RALGPS1: variants seen among roughly 807,000 people sequenced by gnomAD.
RALGPS1 encodes the protein ras-specific guanine nucleotide-releasing factor RalGPS1.
RALGPS1 carries 19 observed loss-of-function variants against 78.8 expected under a neutral mutation model. The ratio of observed to expected loss-of-function variants is 0.24; its 90% confidence interval spans 0.17 to 0.35. The LOEUF (loss-of-function observed/expected upper bound fraction) is 0.35, where lower values mean the gene tolerates loss of function less well. RALGPS1 is among the 10% of genes least tolerant of loss of function. The probability of loss-of-function intolerance (pLI) is 1.00; values close to 1 mark genes in which losing one functional copy is unlikely to be tolerated. For missense variants in RALGPS1, 454 were observed against 688.3 expected, an observed-to-expected ratio of 0.66 and a Z score of 3.81; for synonymous variants, 228 against 256.3, an observed-to-expected ratio of 0.89 and a Z score of 1.06.
intron 2 of RALGPS1, among the ~76,000 whole-genome samples, chr9:126,963,586 A>G (rs2039134560): frequency 6.6e-6 from 1 of 152,198 alleles, no homozygotes; most frequent in South Asian, 2.1e-4. Context: ...TAGCCCCATA[A>G]TTTGTTGCTT....
At chr9:127,169,926 ACTTGT>A (rs2059479883) in intron 10 of RALGPS1, among the ~76,000 whole-genome samples, 1 of 152,182 alleles carries the variant, frequency 6.6e-6, no homozygotes, top group Admixed American at 6.5e-5. Flanking sequence ...TGCATTTTTG[ACTTGT>A]AATATTTTCA....
intron 12 of RALGPS1, 57 bp from the exon 13 acceptor site, chr9:127,196,417 C>T (rs921152081): frequency 6.4e-7 from 1 of 1,562,748 alleles, no homozygotes; most frequent in Non-Finnish European, 8.7e-7. Flanking sequence ...GCAGGTGTAA[C>T]CACTGTCACT....
chr9:127,017,884 G>A (rs548403241), intron 4 of RALGPS1, among the ~76,000 whole-genome samples: 1 of 152,174 alleles, frequency 6.6e-6, no homozygotes, highest in South Asian at 2.1e-4. Flanking sequence ...AAGGTTTTCA[G>A]GGATGGTCAC....
chr9:127,180,454 G>T (rs2060142571), intron 11 of RALGPS1, among the ~76,000 whole-genome samples: 1 of 152,230 alleles, frequency 6.6e-6, no homozygotes, highest in African/African-American at 2.4e-5. Flanking sequence ...TCAGAGCCTG[G>T]CTCCAGCAGT....
rs764409932 is a variant in RALGPS1 at position 127,183,729 on chromosome 9, C to T, written c.910+8947C>T. On this transcript the variant is annotated intron_variant, in intron 11 of 18. Transcript: ENST00000259351. The surrounding 1 kb of genome is among the most constrained non-coding windows in gnomAD (Gnocchi z 4.0). ...GTAGGCCCTCTCTCCATGTGCTCCT[C>T]TCTCTGGAAACATACTCTCTCTGCC... is the stretch of plus-strand genomic sequence containing the variant. The T allele has an allele frequency of 1.4e-6, 1 of 734,412 alleles. No individual in the cohort carries two copies. The highest frequency in any genetic ancestry group is 2.8e-5 in the Admixed American group (1 of 35,264). The allele number at this position is 734,412 out of a possible 1,614,324, so 45.5% of individuals were successfully genotyped here.
chr9:127,205,812 C>G lies in RALGPS1; in HGVS notation c.1248-6319C>G, dbSNP rs1038755172. Among the ~76,000 whole-genome samples, 1 of 152,230 alleles carries G rather than the reference C, an allele frequency of 6.6e-6. No individual in the cohort carries two copies. The highest frequency in any genetic ancestry group is 1.5e-5 in the Non-Finnish European group (1 of 68,044). ...AGTTTCGCCCAGCCACTGAGCCTCA[C>G]TTTCAGCCTCTCAGATCTGGTTCCT... On this transcript the variant is annotated intron_variant, in intron 14 of 18. Transcript: ENST00000259351. The surrounding 1 kb of genome is among the most constrained non-coding windows in gnomAD (Gnocchi z 4.0).
intron 8 of RALGPS1, among the ~76,000 whole-genome samples, chr9:127,155,812 T>C (rs1475881706): frequency 6.6e-6 from 1 of 152,108 alleles, no homozygotes; most frequent in Non-Finnish European, 1.5e-5. Context: ...CGCTCGGAAA[T>C]TCTTGTGCTT....
At chr9:127,177,217 T>C (rs2059931044) in intron 11 of RALGPS1, among the ~76,000 whole-genome samples, 1 of 152,096 alleles carries the variant, frequency 6.6e-6, no homozygotes. Flanking sequence ...GATGGGTGGA[T>C]GAAGAGCCAG....
At chr9:127,158,952 A>G (rs1369478515) in intron 8 of RALGPS1, among the ~76,000 whole-genome samples, 1 of 151,946 alleles carries the variant, frequency 6.6e-6, no homozygotes, top group Non-Finnish European at 1.5e-5. Context: ...CCGAAGCCAC[A>G]CGGGTTATGA....
At chr9:126,927,869 A>G (rs573227826) in intron 1 of RALGPS1, among the ~76,000 whole-genome samples, 2 of 152,286 alleles carry the variant, frequency 1.3e-5, no homozygotes, top group South Asian at 4.1e-4. Flanking sequence ...AAACATTCAG[A>G]TTAGACTAAC....
intron 4 of RALGPS1, among the ~76,000 whole-genome samples, chr9:127,000,534 C>CTTTTTTTTTTTTTTTTTTTTTTTTT (rs1163116649): frequency 3.0e-5 from 1 of 33,340 alleles, no homozygotes; most frequent in Non-Finnish European, 4.6e-5. Context: ...CTTGTCTTGT[C>CTTTTTTTTTTTTTTTTTTTTTTTTT]TTTTTTTTTT....
At chr9:127,191,703 T>TG (rs1008314641) in intron 11 of RALGPS1, among the ~76,000 whole-genome samples, 10 of 147,704 alleles carry the variant, frequency 6.8e-5, no homozygotes, top group South Asian at 2.2e-4. Flanking sequence ...TTTTTTTGTT[T>TG]TTTTTTTTTT....
At chr9:126,994,669 A>G (rs1192260348) in intron 4 of RALGPS1, among the ~76,000 whole-genome samples, 1 of 152,220 alleles carries the variant, frequency 6.6e-6, no homozygotes, top group East Asian at 1.9e-4. Context: ...AAATTCAGGA[A>G]ATACAGAGAA....
At chr9:127,177,900 T>C (rs954998283) in intron 11 of RALGPS1, 1 of 1,549,214 alleles carries the variant, frequency 6.5e-7, no homozygotes, top group Non-Finnish European at 8.7e-7. Context: ...TTATTAGCCA[T>C]GTGAGACCAG....
chr9:127,099,214 G>T (rs888348568), intron 8 of RALGPS1, among the ~76,000 whole-genome samples: 6 of 152,222 alleles, frequency 3.9e-5, no homozygotes, highest in Non-Finnish European at 5.9e-5. Flanking sequence ...CCTGTGGCCT[G>T]TGGGAAATGT....
At chr9:127,105,308 G>T (rs184229659) in intron 8 of RALGPS1, among the ~76,000 whole-genome samples, 16 of 152,314 alleles carry the variant, frequency 1.1e-4, no homozygotes, top group Non-Finnish European at 2.2e-4. Context: ...TCTTAAGTGG[G>T]AGACAAAAGA....
chr9:126,954,293 G>A (rs2038139761), intron 1 of RALGPS1, among the ~76,000 whole-genome samples: 1 of 152,196 alleles, frequency 6.6e-6, no homozygotes, highest in Non-Finnish European at 1.5e-5. Context: ...CCTGCATGCA[G>A]TCCATCAGTA....
intron 3 of RALGPS1, among the ~76,000 whole-genome samples, chr9:126,967,455 T>C (rs1158133256): frequency 6.6e-6 from 1 of 152,230 alleles, no homozygotes; most frequent in Admixed American, 6.5e-5. Flanking sequence ...TGGGCTAAAG[T>C]AGCATCTTTC....
At chr9:127,058,338 T>C (rs1206290333) in intron 7 of RALGPS1, among the ~76,000 whole-genome samples, 1 of 152,186 alleles carries the variant, frequency 6.6e-6, no homozygotes, top group African/African-American at 2.4e-5. Context: ...GGCTTCCAGT[T>C]GCTCTTTGGT....
Sources: gnomAD v4.1 joint callset for allele counts (sites outside exome capture counted in the v4.1 genomes callset) on GRCh38, gnomAD v4.1.1 for gene constraint, Gnocchi (gnomAD v3.1) non-coding constraint, MANE v1.5 for transcripts, NCBI Gene and HGNC (gene_info 2026-07-23, HGNC 2026-07-21) for gene names.